Variants in SPATA6L observed in about 807,000 individuals in gnomAD.
The protein encoded by SPATA6L is spermatogenesis associated 6-like protein.
A neutral mutation model predicts 49.2 loss-of-function variants in SPATA6L; 68 were observed. The ratio of observed to expected loss-of-function variants is 1.38; its 90% CI spans 1.14 to 1.69. The LOEUF is 1.69. Ranked by LOEUF, SPATA6L falls within the 40% of genes most tolerant of loss-of-function variation. SPATA6L has a pLI of 0.00. For missense variants in SPATA6L, 668 were observed against 464.3 expected, an observed-to-expected ratio of 1.44 and a Z score of -4.03; for synonymous variants, 198 against 165.7, an observed-to-expected ratio of 1.19 and a Z score of -1.50.
chr9:4,602,308 C>T (rs139570150), intron 11 of SPATA6L, among the ~76,000 whole-genome samples: 1 of 152,188 alleles, frequency 6.6e-6, no homozygotes, highest in Non-Finnish European at 1.5e-5. Flanking sequence ...AAATAATTGC[C>T]TAGACGGCAA....
At chr9:4,651,537 A>G (rs1299304775) in intron 3 of SPATA6L, among the ~76,000 whole-genome samples, 1 of 152,242 alleles carries the variant, frequency 6.6e-6, no homozygotes, top group Non-Finnish European at 1.5e-5. Context: ...AAGACATAAC[A>G]AGAAAACAAA....
chr9:4,655,039 C>A (rs996894997), intron 3 of SPATA6L, among the ~76,000 whole-genome samples: 76 of 152,158 alleles, frequency 5.0e-4, no homozygotes, highest in African/African-American at 1.8e-3. Context: ...CAATTTCACT[C>A]CTAGGTATAC....
At chr9:4,644,183 CAAAAAAAAAAAAAAAAAA>C (rs58325546) in intron 3 of SPATA6L, among the ~76,000 whole-genome samples, 18 of 45,712 alleles carry the variant, frequency 3.9e-4, no homozygotes, top group East Asian at 1.2e-3. Context: ...GCCATCTCTG[CAAAAAAAAAAAAAAAAAA>C]AAAAAAAAAA....
chr9:4,644,867 C>G (rs979267931), intron 3 of SPATA6L, among the ~76,000 whole-genome samples: 1 of 152,176 alleles, frequency 6.6e-6, no homozygotes, highest in Non-Finnish European at 1.5e-5. Context: ...AGCAAAAGTA[C>G]CACAGAACAG....
At chr9:4,591,038 G>A (rs1384522924) in intron 13 of SPATA6L, among the ~76,000 whole-genome samples, 1 of 152,196 alleles carries the variant, frequency 6.6e-6, no homozygotes, top group Non-Finnish European at 1.5e-5. Context: ...GAAGGTGTGA[G>A]GAGTCTGGAG....
intron 9 of SPATA6L, among the ~76,000 whole-genome samples, chr9:4,612,979 G>A (rs767928712): frequency 1.3e-5 from 2 of 152,124 alleles, no homozygotes; most frequent in Non-Finnish European, 2.9e-5. Flanking sequence ...TATAATCCCA[G>A]CACTTTGGAA....
rs140845879 is a variant in SPATA6L at position 4,621,801 on chromosome 9, A to G, written c.772+607T>C. ...CCGTACCCGGCCGTAGTCTGTTCTTATATTTTAAAAATGTATCAGTTTTAA... is the reference window on the plus strand; with the variant it reads ...CCGTACCCGGCCGTAGTCTGTTCTTGTATTTTAAAAATGTATCAGTTTTAA... On this transcript the variant is annotated intron_variant, in intron 7 of 11. Coordinates refer to ENST00000682582, the MANE Select transcript of SPATA6L (RefSeq NM_001353486.2). 3.9e-3 allele frequency among the ~76,000 whole-genome samples: 595 copies of G among 152,278 alleles called. 8 individuals carry two copies. The highest frequency in any genetic ancestry group is 0.013 in the African/African-American group (561 of 41,568).
chr9:4,589,899 G>A lies in SPATA6L; in HGVS notation c.*255-938C>T, dbSNP rs1821795082. On this transcript the variant is annotated intron_variant and NMD_transcript_variant, in intron 13 of 13. Transcript: ENST00000461761. ...AGATAATATAAAGAAGAAGAAGCAGGCCTTGTTAAATTAGCTTTGGGAACT... is the reference window on the plus strand; with the variant it reads ...AGATAATATAAAGAAGAAGAAGCAGACCTTGTTAAATTAGCTTTGGGAACT... 2.0e-5 allele frequency among the ~76,000 whole-genome samples: 3 copies of A among 152,218 alleles called. No individual in the cohort carries two copies. The South Asian group carries it at 6.2e-4, about 32-fold the overall frequency.
chr9:4,639,977 T>G (rs1051161321), intron 3 of SPATA6L, among the ~76,000 whole-genome samples: 17 of 152,190 alleles, frequency 1.1e-4, no homozygotes, highest in African/African-American at 4.1e-4. Context: ...CCAAATAATC[T>G]GAGGCAAAAG....
intron 3 of SPATA6L, among the ~76,000 whole-genome samples, chr9:4,649,071 ACACACACAC>A (rs1836192652): frequency 6.9e-5 from 2 of 29,062 alleles, no homozygotes; most frequent in African/African-American, 3.8e-4. Flanking sequence ...ATACACACAC[ACACACACAC>A]ACACACACAC....
In SPATA6L at chr9:4,608,727, T is replaced by C. The variant is rs1825936399; in HGVS notation, c.996-3287A>G. On this transcript the variant is annotated intron_variant, in intron 9 of 11. Transcript: ENST00000682582. The stretch of plus-strand genomic sequence containing the variant: ...CAAAATTGACACTCTAACATCACAA[T>C]TAAAAGAACTAGAAAAGCAAGAGCA... Among the ~76,000 whole-genome samples, 5 of 150,892 alleles carry C rather than the reference T, an allele frequency of 3.3e-5. No homozygotes were observed. In the South Asian group the frequency reaches 1.0e-3, roughly 32 times the overall value.
At chr9:4,646,211 A>C (rs1835339811) in intron 3 of SPATA6L, 1 of 237,244 alleles carries the variant, frequency 4.2e-6, no homozygotes, top group Non-Finnish European at 8.0e-6. Context: ...TGAAAAAATT[A>C]TTTAATAATT....
intron 3 of SPATA6L, among the ~76,000 whole-genome samples, chr9:4,644,685 T>TCACACACACACA (rs59433051): frequency 9.3e-6 from 1 of 107,680 alleles, no homozygotes; most frequent in Non-Finnish European, 1.9e-5. Flanking sequence ...TCTCTCTCTC[T>TCACACACACACA]CACACACACA....
intron 9 of SPATA6L, among the ~76,000 whole-genome samples, chr9:4,607,345 G>C (rs1389369509): frequency 6.6e-6 from 1 of 152,054 alleles, no homozygotes; most frequent in Admixed American, 6.6e-5. Flanking sequence ...ATAATTGTCA[G>C]ATTCACCAAA....
intron 2 of SPATA6L, among the ~76,000 whole-genome samples, chr9:4,657,959 A>G (rs1369965436): frequency 6.6e-6 from 1 of 152,022 alleles, no homozygotes; most frequent in South Asian, 2.1e-4. Flanking sequence ...CCCACCCCCA[A>G]TTTTTTTAAC....
At chr9:4,613,959 A>G (rs542051324) in intron 9 of SPATA6L, among the ~76,000 whole-genome samples, 2 of 152,294 alleles carry the variant, frequency 1.3e-5, no homozygotes, top group African/African-American at 4.8e-5. Flanking sequence ...AAAAACAGCC[A>G]CCAGCTAGAT....
chr9:4,664,746 G>A (rs1362608476), intron 1 of SPATA6L: 1 of 167,104 alleles, frequency 6.0e-6, no homozygotes, highest in Non-Finnish European at 1.5e-5. Flanking sequence ...GGAACCTGGA[G>A]AACGGCTGTG....
chr9:4,622,282 G>A, intron 7 of SPATA6L, 126 bp downstream of exon 7: 1 of 641,078 alleles, frequency 1.6e-6, no homozygotes, highest in Non-Finnish European at 2.7e-6. Context: ...TCCACAGCTG[G>A]AGAGTACTTG....
At chr9:4,622,223 C>T (rs191821425) in intron 7 of SPATA6L, among the ~76,000 whole-genome samples, 185 bp downstream of exon 7, 5 of 152,240 alleles carry the variant, frequency 3.3e-5, no homozygotes, top group Admixed American at 6.5e-5. Context: ...AATGCTCAGA[C>T]AGAAGCTTCT....
Sources: allele counts gnomAD v4.1 joint callset (sites outside exome capture counted in the v4.1 genomes callset), GRCh38; gene constraint gnomAD v4.1.1; transcripts MANE v1.5; gene names NCBI Gene and HGNC (gene_info 2026-07-23, HGNC 2026-07-21).